GRHL2: variants seen among roughly 807,000 people sequenced by gnomAD.
GRHL2 encodes the protein grainyhead-like protein 2 homolog.
Under a neutral mutation model 83.8 loss-of-function variants are expected in GRHL2, and 21 were observed. The observed-to-expected ratio is 0.25, with a 90% confidence interval of 0.18 to 0.36. GRHL2 has a LOEUF of 0.36. Ranked by LOEUF, GRHL2 falls within the 10% of genes least tolerant of loss-of-function variation. GRHL2 has a pLI of 1.00. For synonymous variants in GRHL2, 280 were observed against 278.9 expected (o/e 1.00, Z -0.04); for missense variants, 623 against 781.8 (o/e 0.80, Z 2.42).
intron 5 of GRHL2, among the ~76,000 whole-genome samples, chr8:101,572,959 G>A (rs1811857279): frequency 6.6e-6 from 1 of 152,204 alleles, no homozygotes; most frequent in Non-Finnish European, 1.5e-5. Context: ...AGCAGTCATA[G>A]ACAGTATGTA....
At chr8:101,583,620 G>A (rs1812102509) in intron 7 of GRHL2, among the ~76,000 whole-genome samples, 1 of 152,122 alleles carries the variant, frequency 6.6e-6, no homozygotes, top group Admixed American at 6.5e-5. Context: ...TTGCACAGTG[G>A]AGTTATCCAG....
intron 3 of GRHL2, among the ~76,000 whole-genome samples, chr8:101,558,180 T>A (rs1391416438): frequency 1.3e-5 from 2 of 152,146 alleles, no homozygotes; most frequent in Non-Finnish European, 2.9e-5. Flanking sequence ...TTGTTTTTGT[T>A]TTTTACAGTG....
At chr8:101,533,218 TAAATTTATA>T (rs1378776380) in intron 1 of GRHL2, among the ~76,000 whole-genome samples, 2 of 152,190 alleles carry the variant, frequency 1.3e-5, no homozygotes, top group Non-Finnish European at 2.9e-5. Context: ...CTTATTAAAT[TAAATTTATA>T]ATTATGCTTC....
intron 11 of GRHL2, among the ~76,000 whole-genome samples, chr8:101,635,111 T>G (rs1813260331): frequency 6.6e-6 from 1 of 152,134 alleles, no homozygotes; most frequent in Admixed American, 6.6e-5. Flanking sequence ...AACCATCTCT[T>G]GCACTGTTGT....
intron 12 of GRHL2, among the ~76,000 whole-genome samples, chr8:101,640,031 G>A (rs891831702): frequency 6.6e-6 from 1 of 152,346 alleles, no homozygotes; most frequent in Non-Finnish European, 1.5e-5. Context: ...TGCATTACCA[G>A]TCTGGTAGGC....
intron 14 of GRHL2, among the ~76,000 whole-genome samples, chr8:101,656,240 A>C (rs1314123582): frequency 6.6e-6 from 1 of 152,234 alleles, no homozygotes; most frequent in African/African-American, 2.4e-5. Flanking sequence ...AGCCTTCAGC[A>C]TAAGTTTTGT....
In GRHL2 at chr8:101,598,121, TG is replaced by T. The variant is rs778343016; in HGVS notation, c.1004-933del. Among the ~76,000 whole-genome samples the T allele has an allele frequency of 5.9e-5, 9 of 152,226 alleles. No homozygotes were observed. The South Asian group carries it at 8.3e-4, about 14-fold the overall frequency. On this transcript the variant is annotated intron_variant, in intron 7 of 15. Transcript: ENST00000646743. ...AACACATTTATAGCTATTGCATTTGTGGGAAGGATAATAGGAAGAAAAAGAA... is the reference window on the plus strand; with the variant it reads ...AACACATTTATAGCTATTGCATTTGTGGAAGGATAATAGGAAGAAAAAGAA...
intron 8 of GRHL2, among the ~76,000 whole-genome samples, chr8:101,611,796 T>G (rs1367933115): frequency 1.3e-5 from 2 of 150,838 alleles, no homozygotes; most frequent in African/African-American, 5.0e-5. Flanking sequence ...ATTTGCCTTT[T>G]TCCTCACCAC....
downstream of GRHL2, among the ~76,000 whole-genome samples, chr8:101,674,428 AC>A (rs1814259809): frequency 6.6e-6 from 1 of 152,132 alleles, no homozygotes; most frequent in Admixed American, 6.5e-5. Context: ...TACTACAAAC[AC>A]CTCTACGCAA....
chr8:101,516,580 G>A (rs921736655), intron 1 of GRHL2, among the ~76,000 whole-genome samples: 1 of 151,972 alleles, frequency 6.6e-6, no homozygotes, highest in Non-Finnish European at 1.5e-5. Context: ...ACCATGCCCA[G>A]CTAATTTGTA....
At chr8:101,622,553 G>A (rs960458971) in intron 9 of GRHL2, among the ~76,000 whole-genome samples, 1 of 152,148 alleles carries the variant, frequency 6.6e-6, no homozygotes, top group Admixed American at 6.6e-5. Context: ...AGGGGTATAT[G>A]AGAAATAAGT....
intron 6 of GRHL2, among the ~76,000 whole-genome samples, 158 bp from the exon 7 acceptor site, chr8:101,577,250 A>G (rs531775593): frequency 6.6e-6 from 1 of 151,898 alleles, no homozygotes; most frequent in Admixed American, 6.6e-5. Flanking sequence ...GGTCCATTTT[A>G]TAACAAAACG....
intron 9 of GRHL2, among the ~76,000 whole-genome samples, chr8:101,625,688 C>T (rs1813066457): frequency 6.6e-6 from 1 of 151,992 alleles, no homozygotes; most frequent in Non-Finnish European, 1.5e-5. Flanking sequence ...CTGGGAAGGA[C>T]TATGTCAACA....
Position 101,619,660 on chromosome 8 carries a change from A to C in GRHL2, c.1220A>C (p.His407Pro). 1 of 1,613,458 alleles carries C rather than the reference A, an allele frequency of 6.2e-7. No homozygotes were observed. Among genetic ancestry groups the C allele is most frequent in the Non-Finnish European group, 8.5e-7 (1 of 1,179,470 alleles). The change falls in exon 9 of 16, where the codon CAT (histidine) becomes CCT (proline). Residue 407 changes from histidine to proline, a missense_variant. By Grantham distance (77) the His-to-Pro change is moderately conservative (BLOSUM62 -2). Coordinates refer to ENST00000646743, the MANE Select transcript of GRHL2 (RefSeq NM_024915.4). ...AACAATCGTAGCAATAAACCCATTCATAGAGCTTATTGCCAGATCAAGGTC... is the reference window on the plus strand; with the variant it reads ...AACAATCGTAGCAATAAACCCATTCCTAGAGCTTATTGCCAGATCAAGGTC... ...SYNNRSNKPI[H>P]RAYCQIKVFC... is the part of the protein sequence containing the mutation.
At position 101,657,755 on chromosome 8, in the gene GRHL2, G is replaced by A. The variant is rs918663578; in HGVS notation, c.1699-6699G>A. Among the ~76,000 whole-genome samples the A allele has an allele frequency of 3.6e-4, 54 of 151,690 alleles. 1 individual carries two copies. Among genetic ancestry groups the A allele is most frequent in the Admixed American group, 3.2e-3 (49 of 15,242 alleles). On this transcript the variant is annotated intron_variant, in intron 14 of 15. Transcript: ENST00000646743. Reference sequence around the variant, plus strand: ...CTCAGGAGGCTGAGGCAGGAGAATGGTGTGAACCCAGGAGACGGAGCTTGC... The same window carrying A: ...CTCAGGAGGCTGAGGCAGGAGAATGATGTGAACCCAGGAGACGGAGCTTGC...
chr8:101,503,597 C>T (rs1328307545), intron 1 of GRHL2, among the ~76,000 whole-genome samples: 1 of 152,122 alleles, frequency 6.6e-6, no homozygotes, highest in Non-Finnish European at 1.5e-5. Context: ...ATTCCAGTTT[C>T]AGGGATTTGT....
intron 13 of GRHL2, among the ~76,000 whole-genome samples, chr8:101,647,865 C>T (rs1449281949): frequency 1.3e-5 from 2 of 151,872 alleles, no homozygotes; most frequent in African/African-American, 4.8e-5. Flanking sequence ...TTAATGAAGT[C>T]CCCCCAGGAT....
At chr8:101,551,861 A>T (rs867303785) in intron 2 of GRHL2, among the ~76,000 whole-genome samples, 1 of 147,106 alleles carries the variant, frequency 6.8e-6, no homozygotes, top group Admixed American at 6.9e-5. Context: ...TTTGAGACTG[A>T]GTCTTGCTCT....
chr8:101,532,751 C>T (rs1810963077), intron 1 of GRHL2, among the ~76,000 whole-genome samples: 1 of 144,356 alleles, frequency 6.9e-6, no homozygotes, highest in South Asian at 2.2e-4. Context: ...GAGACTCCAT[C>T]TCACAAAAAA....
Sources: gnomAD v4.1 joint callset for allele counts (sites outside exome capture counted in the v4.1 genomes callset) on GRCh38, gnomAD v4.1.1 for gene constraint, MANE v1.5 for transcripts, NCBI Gene and HGNC (gene_info 2026-07-23, HGNC 2026-07-21) for gene names.